The following KCND3 variants were observed in gnomAD, a reference collection of about 807,000 sequenced individuals.
The protein encoded by KCND3 is A-type voltage-gated potassium channel KCND3.
KCND3 carries 9 observed loss-of-function variants against 51.1 expected under a neutral mutation model. The ratio of observed to expected loss-of-function variants is 0.18; its 90% CI spans 0.11 to 0.31. The LOEUF is 0.31. Ranked by LOEUF, KCND3 falls within the 10% of genes least tolerant of loss-of-function variation. The pLI is 1.00. For missense variants in KCND3, 526 were observed against 903.8 expected, an observed-to-expected ratio of 0.58 and a Z score of 5.36; for synonymous variants, 349 against 368.0, an observed-to-expected ratio of 0.95 and a Z score of 0.59.
rs531457956 is a variant in KCND3, at chr1:111,953,526, C to T, written c.1106+28095G>A. 3.3e-5 allele frequency among the ~76,000 whole-genome samples: 5 copies of T among 152,282 alleles called. No individual in the cohort carries two copies. The East Asian group carries it at 9.6e-4, about 29-fold the overall frequency. ...TCCAGGCAAAGTGTTTCTTGTGAAC[C>T]TGGTTTGGACTACGCCTGGGAAACG... On this transcript the variant is annotated intron_variant, in intron 2 of 7. Coordinates refer to ENST00000302127, the MANE Select transcript of KCND3 (RefSeq NM_001378969.1).
At chr1:111,943,607 T>A (rs1324555576) in intron 2 of KCND3, among the ~76,000 whole-genome samples, 1 of 152,026 alleles carries the variant, frequency 6.6e-6, no homozygotes, top group African/African-American at 2.4e-5. Context: ...AGAAGAAGGG[T>A]TCTATTTGCA....
chr1:111,896,038 G>A (rs530563264), intron 2 of KCND3, among the ~76,000 whole-genome samples: 3 of 152,354 alleles, frequency 2.0e-5, no homozygotes, highest in East Asian at 3.9e-4. Context: ...GCCAGGATGC[G>A]AGAGCTGACT....
intron 2 of KCND3, among the ~76,000 whole-genome samples, chr1:111,790,300 G>A (rs17028558): frequency 0.016 from 2,420 of 152,302 alleles, 61 homozygotes; most frequent in African/African-American, 0.056. Flanking sequence ...GATAATTAAT[G>A]AGATAATTCA....
At chr1:111,935,156 G>A (rs534617197) in intron 2 of KCND3, among the ~76,000 whole-genome samples, 7 of 152,274 alleles carry the variant, frequency 4.6e-5, no homozygotes, top group South Asian at 2.1e-4. Flanking sequence ...TCCCAAGGAC[G>A]AACTTTATTG....
rs538614929 is a variant in KCND3, at chr1:111,772,952, T to G, written c.*3125A>C. The G allele has an allele frequency of 6.6e-6, 1 of 152,360 alleles. No individual in the cohort carries two copies. Among genetic ancestry groups the G allele is most frequent in the East Asian group, 1.9e-4 (1 of 5,194 alleles). The allele number at this position is 152,360 out of a possible 1,614,324, so 9.4% of individuals were successfully genotyped here. On this transcript the variant is annotated 3_prime_UTR_variant, in exon 8 of 8. Coordinates refer to ENST00000302127, the MANE Select transcript of KCND3 (RefSeq NM_001378969.1). Reference sequence around the variant, plus strand: ...CAATGAGTTAGACTTATGAAACCAATTCAGCATACTTTGGACCTTGTGTTT... The same window carrying G: ...CAATGAGTTAGACTTATGAAACCAAGTCAGCATACTTTGGACCTTGTGTTT...
intron 2 of KCND3, among the ~76,000 whole-genome samples, chr1:111,950,759 T>A (rs1175649919): frequency 6.6e-6 from 1 of 152,024 alleles, no homozygotes; most frequent in African/African-American, 2.4e-5. Flanking sequence ...GGTGACAAGG[T>A]TTTATGGCAG....
Position 111,893,103 on chromosome 1 carries a change from CAGA to C in KCND3, c.1106+88515_1106+88517del, listed in dbSNP as rs1669922009. Among the ~76,000 whole-genome samples, 8 of 152,194 alleles carry C rather than the reference CAGA, an allele frequency of 5.3e-5. No homozygotes were observed. The South Asian group carries it at 1.4e-3, about 28-fold the overall frequency. Reference sequence around the variant, plus strand: ...CTGGCTGAGGACAGGAAGATGGTGACAGAAGACCATCCCCACCCTCTGAAGGCT... The same window carrying C: ...CTGGCTGAGGACAGGAAGATGGTGACAGACCATCCCCACCCTCTGAAGGCT... On this transcript the variant is annotated intron_variant, in intron 2 of 7. Coordinates refer to ENST00000302127, the MANE Select transcript of KCND3 (RefSeq NM_001378969.1).
intron 2 of KCND3, among the ~76,000 whole-genome samples, chr1:111,907,839 C>G (rs1670718857): frequency 6.6e-6 from 1 of 152,236 alleles, no homozygotes; most frequent in Non-Finnish European, 1.5e-5. Context: ...CTGATGAAGA[C>G]AAGCTCAAAT....
rs148852552 is a variant in KCND3, at chr1:111,817,636, A to G, written c.1107-30530T>C. Among the ~76,000 whole-genome samples, 303 of 152,302 alleles carry G rather than the reference A, an allele frequency of 2.0e-3. 3 individuals are homozygous for G. Among genetic ancestry groups the G allele is most frequent in the African/African-American group, 6.9e-3 (287 of 41,576 alleles). ...TTAATTTGTTCCTAGCACCCTACCC[A>G]TCTTCTTTCTTCGGTTTTCTGCATT... is the stretch of plus-strand genomic sequence containing the variant. On this transcript the variant is annotated intron_variant, in intron 2 of 7. Transcript: ENST00000302127.
Position 111,982,161 on chromosome 1 carries a change from G to C in KCND3, c.566C>G (p.Thr189Ser). ...STLALVFYYV[T>S]GFFIAVSVIT... Reference sequence around the variant, plus strand: ...GACCGAGACAGCGATGAAGAAGCCAGTCACGTAGTAGAAGACCAGGGCCAG... The same window carrying C: ...GACCGAGACAGCGATGAAGAAGCCACTCACGTAGTAGAAGACCAGGGCCAG... The change falls in exon 2 of 8, where the codon ACT (threonine) becomes AGT (serine). Residue 189 changes from threonine to serine, a missense_variant. Thr to Ser is a moderately conservative substitution (Grantham distance 58). Coordinates refer to ENST00000302127, the MANE Select transcript of KCND3 (RefSeq NM_001378969.1). The surrounding 1 kb of genome is among the most constrained non-coding windows in gnomAD (Gnocchi z 8.5). 2 of 1,614,066 alleles carry C rather than the reference G, an allele frequency of 1.2e-6. No homozygotes were observed. The highest frequency in any genetic ancestry group is 1.7e-6 in the Non-Finnish European group (2 of 1,180,008).
intron 2 of KCND3, among the ~76,000 whole-genome samples, chr1:111,884,059 G>T (rs887195102): frequency 3.9e-5 from 6 of 152,112 alleles, no homozygotes; most frequent in South Asian, 2.1e-4. Context: ...TCAACAGGTG[G>T]GTCCATGATT....
chr1:111,814,900 A>G (rs942609167), intron 2 of KCND3, among the ~76,000 whole-genome samples: 2 of 152,240 alleles, frequency 1.3e-5, no homozygotes, highest in Non-Finnish European at 2.9e-5. Context: ...CTGCTCAGCC[A>G]TATTAAGGAG....
intron 2 of KCND3, among the ~76,000 whole-genome samples, chr1:111,961,378 C>T (rs534455316): frequency 2.4e-4 from 37 of 152,218 alleles, no homozygotes; most frequent in Non-Finnish European, 4.3e-4. Flanking sequence ...TTTCCTCGTT[C>T]CCTCCAGGCA....
chr1:111,980,305 A>G (rs1189578860), intron 2 of KCND3, among the ~76,000 whole-genome samples: 2 of 151,738 alleles, frequency 1.3e-5, no homozygotes, highest in Non-Finnish European at 2.9e-5. Context: ...GAATGCCCCA[A>G]TCAAATGTGG....
In KCND3 at chr1:111,982,475, G is replaced by A. The variant is rs765352071; in HGVS notation, c.252C>T (p.Phe84=). The change falls in exon 2 of 8, where the codon TTC becomes TTT. Residue 84 remains phenylalanine, a synonymous_variant. Transcript: ENST00000302127. This position sits in a 1 kb window ranked among gnomAD's most constrained non-coding sequence, Gnocchi z 8.5. ...AGCGGAACACCTCGGGGTCCCGGTC[G>A]AAGAAGTACTCCTTGGTGTCCTCGT... ...FFNEDTKEYF[F]DRDPEVFRCV... is the part of the protein sequence containing the mutation. 22 of 1,611,340 alleles carry A rather than the reference G, an allele frequency of 1.4e-5. No individual in the cohort carries two copies. In the African/African-American group the frequency reaches 1.7e-4, roughly 13 times the overall value.
At chr1:111,861,596 C>T (rs1466506017) in intron 2 of KCND3, among the ~76,000 whole-genome samples, 1 of 152,138 alleles carries the variant, frequency 6.6e-6, no homozygotes, top group Non-Finnish European at 1.5e-5. Context: ...AGGGGGCCCA[C>T]CGGCAGTGGA....
chr1:111,842,947 T>G (rs1179376840), intron 2 of KCND3, among the ~76,000 whole-genome samples: 1 of 152,238 alleles, frequency 6.6e-6, no homozygotes, highest in African/African-American at 2.4e-5. Flanking sequence ...GCAAAGATTA[T>G]GCTATGTTTA....
At chr1:111,877,490 A>T (rs981165051) in intron 2 of KCND3, among the ~76,000 whole-genome samples, 2 of 152,206 alleles carry the variant, frequency 1.3e-5, no homozygotes, top group Non-Finnish European at 2.9e-5. Flanking sequence ...CACTTCCTAC[A>T]TGGCCATATC....
At chr1:111,827,841 A>G (rs1481731526) in intron 2 of KCND3, among the ~76,000 whole-genome samples, 1 of 152,150 alleles carries the variant, frequency 6.6e-6, no homozygotes, top group Admixed American at 6.5e-5. Context: ...GCCAGGGCTG[A>G]GCAGAGGAAG....
Sources: gnomAD v4.1 joint callset for allele counts (sites outside exome capture counted in the v4.1 genomes callset) on GRCh38, gnomAD v4.1.1 for gene constraint, Gnocchi (gnomAD v3.1) non-coding constraint, MANE v1.5 for transcripts, NCBI Gene and HGNC (gene_info 2026-07-23, HGNC 2026-07-21) for gene names.